RSPRY1: variants seen among roughly 807,000 people sequenced by gnomAD.
RSPRY1 encodes ring finger and SPRY domain containing 1.
RSPRY1 carries 23 observed loss-of-function variants against 73.1 expected under a neutral mutation model. The observed-to-expected ratio is 0.31, with a 90% CI of 0.23 to 0.45. The LOEUF is 0.45. Ranked by LOEUF, RSPRY1 falls within the 20% of genes least tolerant of loss-of-function variation. The pLI is 1.00. For synonymous variants in RSPRY1, 226 were observed against 251.4 expected (o/e 0.90, Z 0.95); for missense variants, 448 against 698.7 (o/e 0.64, Z 4.05).
intron 1 of RSPRY1, among the ~76,000 whole-genome samples, chr16:57,200,655 C>G (rs1158968725): frequency 1.6e-5 from 2 of 123,990 alleles, no homozygotes; most frequent in South Asian, 2.8e-4. Flanking sequence ...GCTGGCCGGG[C>G]GGGGGGCTGA....
chr16:57,195,190 A>G (rs1343697135), intron 1 of RSPRY1, among the ~76,000 whole-genome samples: 1 of 152,270 alleles, frequency 6.6e-6, no homozygotes, highest in East Asian at 1.9e-4. Flanking sequence ...GATCATAATT[A>G]TGCTCTTGCA....
At chr16:57,186,246 G>T (rs559434380), upstream of RSPRY1, 3 of 886,652 alleles carry the variant, frequency 3.4e-6, no homozygotes, top group African/African-American at 5.4e-5. Flanking sequence ...GTGATTGGCT[G>T]TCAAGGAGAG....
intron 1 of RSPRY1, among the ~76,000 whole-genome samples, chr16:57,202,602 C>G (rs780437958): frequency 3.3e-5 from 5 of 152,094 alleles, no homozygotes; most frequent in Non-Finnish European, 5.9e-5. Context: ...AAAGCTATTT[C>G]CAGCTGGTCC....
intron 1 of RSPRY1, among the ~76,000 whole-genome samples, chr16:57,196,727 C>T (rs779561479): frequency 1.3e-5 from 2 of 152,134 alleles, no homozygotes; most frequent in African/African-American, 4.8e-5. Context: ...AAATTCTTTA[C>T]TTTTCTTAGT....
chr16:57,202,389 C>T (rs1216637907), intron 1 of RSPRY1, among the ~76,000 whole-genome samples: 3 of 152,148 alleles, frequency 2.0e-5, no homozygotes, highest in Non-Finnish European at 2.9e-5. Flanking sequence ...TTCTCAGAAA[C>T]CAGCATAATT....
Position 57,235,236 on chromosome 16 carries a change from G to A in RSPRY1, c.1634+8G>A. Reference sequence around the variant, plus strand: ...GAAGCCATGTGGACACAGGTAAGAGGATTTATATTAGGCAAAGTTTCATAC... The same window carrying A: ...GAAGCCATGTGGACACAGGTAAGAGAATTTATATTAGGCAAAGTTTCATAC... On this transcript the variant is annotated splice_region_variant and intron_variant, in intron 14 of 14. Coordinates refer to ENST00000394420, the MANE Select transcript of RSPRY1 (RefSeq NM_133368.3). 1 of 1,593,442 alleles carries A rather than the reference G, an allele frequency of 6.3e-7. No individual in the cohort carries two copies. Among genetic ancestry groups the A allele is most frequent in the Non-Finnish European group, 8.6e-7 (1 of 1,161,126 alleles).
chr16:57,202,878 TTATATATA>T (rs55701001), intron 1 of RSPRY1, among the ~76,000 whole-genome samples: 48,313 of 131,572 alleles, frequency 0.37, 8,889 homozygotes, highest in South Asian at 0.44. Context: ...TTACATATGA[TTATATATA>T]TATATATATA....
intron 10 of RSPRY1, among the ~76,000 whole-genome samples, chr16:57,226,653 C>G (rs905684993): frequency 6.6e-6 from 1 of 152,182 alleles, no homozygotes; most frequent in African/African-American, 2.4e-5. Flanking sequence ...GTGAAGATGA[C>G]CAGAGGTCAC....
chr16:57,220,941 C>A, intron 9 of RSPRY1, 94 bp downstream of exon 9: 1 of 889,940 alleles, frequency 1.1e-6, no homozygotes, highest in Non-Finnish European at 1.8e-6. Context: ...TGGTGCTTCC[C>A]ACTCTCCCTG....
At chr16:57,218,811 C>G (rs1441420731) in intron 8 of RSPRY1, among the ~76,000 whole-genome samples, 2 of 111,828 alleles carry the variant, frequency 1.8e-5, no homozygotes, top group Non-Finnish European at 3.5e-5. Context: ...TCTCGGCTCA[C>G]TGCAAGCTCT....
chr16:57,231,834 TC>T (rs2075226708), intron 13 of RSPRY1, among the ~76,000 whole-genome samples: 1 of 152,210 alleles, frequency 6.6e-6, no homozygotes, highest in Admixed American at 6.5e-5. Context: ...ACAACACTGT[TC>T]CACAACCATC....
In RSPRY1 at chr16:57,225,969, T is replaced by G. The variant is rs1442872006; in HGVS notation, c.1162-1373T>G. Among the ~76,000 whole-genome samples the G allele has an allele frequency of 7.9e-5, 12 of 152,176 alleles. No homozygotes were observed. In the South Asian group the frequency reaches 2.5e-3, roughly 32 times the overall value. Reference sequence around the variant, plus strand: ...GGCGCATGCCTATAATCCCAGCTACTCAGGAGGCTGAGGCAGGAGAATCGC... The same window carrying G: ...GGCGCATGCCTATAATCCCAGCTACGCAGGAGGCTGAGGCAGGAGAATCGC... On this transcript the variant is annotated intron_variant, in intron 10 of 14. Coordinates refer to ENST00000394420, the MANE Select transcript of RSPRY1 (RefSeq NM_133368.3).
In RSPRY1 at chr16:57,213,892, T is replaced by A; in HGVS notation, c.648T>A (p.Pro216=). 1 of 1,602,008 alleles carries A rather than the reference T, an allele frequency of 6.2e-7. No homozygotes were observed. Among genetic ancestry groups the A allele is most frequent in the Non-Finnish European group, 8.6e-7 (1 of 1,168,924 alleles). ...LGCLAEKLAG[P]ASIGLLSPGI... ...GTGTTTGTTGTATTTGTCTAGGTCC[T>A]GCAAGTATAGGTTTACTTAGCCCAG... Residue 216 remains proline (P), a synonymous_variant, in exon 6 of 15, where the codon CCT becomes CCA. Coordinates refer to ENST00000394420, the MANE Select transcript of RSPRY1 (RefSeq NM_133368.3).
intron 1 of RSPRY1, among the ~76,000 whole-genome samples, chr16:57,191,342 A>G (rs994958313): frequency 3.3e-5 from 5 of 152,170 alleles, no homozygotes; most frequent in Non-Finnish European, 7.4e-5. Flanking sequence ...GCTACTTATT[A>G]ATAACCTACC....
chr16:57,238,175 T>C (rs1424674764), intron 14 of RSPRY1, among the ~76,000 whole-genome samples: 3 of 151,836 alleles, frequency 2.0e-5, no homozygotes, highest in African/African-American at 7.3e-5. Context: ...TACCAAAGAG[T>C]ATAACAGAAG....
Position 57,193,571 on chromosome 16 carries a change from C to T in RSPRY1, c.-156+7120C>T, listed in dbSNP as rs57769187. ...GTAGTGGGATGATCTCGGCTCACTG[C>T]AACCTCCACCTTCTGGATTCAAGTG... On this transcript the variant is annotated intron_variant, in intron 1 of 14. Coordinates refer to ENST00000394420, the MANE Select transcript of RSPRY1 (RefSeq NM_133368.3). Among the ~76,000 whole-genome samples, 6 of 151,490 alleles carry T rather than the reference C, an allele frequency of 4.0e-5. No individual in the cohort carries two copies. The East Asian group carries it at 9.8e-4, about 25-fold the overall frequency.
intron 4 of RSPRY1, 29 bp from the exon 5 acceptor site, chr16:57,212,943 T>C (rs768139975): frequency 6.2e-7 from 1 of 1,610,606 alleles, no homozygotes; most frequent in African/African-American, 1.3e-5. Context: ...AGTATATGGG[T>C]CAAACCCACT....
intron 1 of RSPRY1, among the ~76,000 whole-genome samples, chr16:57,193,236 T>C (rs2074381671): frequency 6.6e-6 from 1 of 152,316 alleles, no homozygotes; most frequent in South Asian, 2.1e-4. Context: ...AGACAACCTT[T>C]CTTTTTGTGG....
intron 2 of RSPRY1, 28 bp downstream of exon 2, chr16:57,205,036 A>C (rs1434968430): frequency 1.3e-6 from 2 of 1,549,358 alleles, no homozygotes; most frequent in Non-Finnish European, 1.8e-6. Context: ...GGTCACCTCC[A>C]GTGGAATGAA....
Sources: gnomAD v4.1 joint callset for allele counts (sites outside exome capture counted in the v4.1 genomes callset) on GRCh38, gnomAD v4.1.1 for gene constraint, MANE v1.5 for transcripts, NCBI Gene and HGNC (gene_info 2026-07-23, HGNC 2026-07-21) for gene names.